The following ELP1 variants were observed in gnomAD, a reference collection of about 807,000 sequenced individuals.
The protein encoded by ELP1 is elongator acetyltransferase complex subunit 1, also known as elongator complex protein 1.
Under a neutral mutation model 183.2 loss-of-function variants are expected in ELP1, and 131 were observed. The observed-to-expected ratio is 0.72, with a 90% CI of 0.62 to 0.83. The LOEUF (loss-of-function observed/expected upper bound fraction) is 0.83. Among genes scored for constraint, ELP1 ranks in the 40% least tolerant of loss-of-function variants. ELP1 has a pLI of 0.00. For synonymous variants in ELP1, 555 were observed against 569.0 expected, an observed-to-expected ratio of 0.98 and a Z score of 0.35; for missense variants, 1,550 against 1,594.9, an observed-to-expected ratio of 0.97 and a Z score of 0.48.
Position 108,878,753 on chromosome 9 carries a change from G to A in ELP1, c.3573-3C>T, listed in dbSNP as rs574071477. 6.2e-7 allele frequency: 1 copy of A among 1,613,868 alleles called. No homozygotes were observed. The highest frequency in any genetic ancestry group is 1.3e-5 in the African/African-American group (1 of 75,038). On this transcript the variant is annotated splice_region_variant and splice_polypyrimidine_tract_variant and intron_variant, in intron 33 of 36. Coordinates refer to ENST00000374647, the MANE Select transcript of ELP1 (RefSeq NM_003640.5). ...TTCGGCGATTCTTGGATGATCTCCT[G>A]TTAGAAATTACACAGATATTTTTAA...
chr9:108,903,348 T>C (rs993312184), intron 15 of ELP1, among the ~76,000 whole-genome samples: 3 of 152,096 alleles, frequency 2.0e-5, no homozygotes, highest in Non-Finnish European at 2.9e-5. Flanking sequence ...GTCCCTGCGA[T>C]AGTCATCAAT....
chr9:108,908,397 A>G lies in ELP1; in HGVS notation c.1368T>C (p.Cys456=), dbSNP rs1428188218. ...GTTTCACTGTAGGGTCAGCACTTGG[A>G]CAATCACCTGGAAAACAAAAATGCA... is the stretch of plus-strand genomic sequence containing the variant. ...NQISVYKCGD[C]PSADPTVKLG... The change falls in exon 13 of 37, where the codon TGT becomes TGC. Residue 456 remains cysteine (C), a synonymous_variant. Coordinates refer to ENST00000374647, the MANE Select transcript of ELP1 (RefSeq NM_003640.5). The G allele has an allele frequency of 6.2e-7, 1 of 1,613,752 alleles. No homozygotes were observed. Among genetic ancestry groups the G allele is most frequent in the East Asian group, 2.2e-5 (1 of 44,880 alleles).
At chr9:108,915,911 G>A (rs1829413841) in intron 10 of ELP1, among the ~76,000 whole-genome samples, 1 of 151,874 alleles carries the variant, frequency 6.6e-6, no homozygotes, top group Non-Finnish European at 1.5e-5. Context: ...TTGACTGCAG[G>A]ACTTGACCAT....
Position 108,906,367 on chromosome 9 carries a change from C to T in ELP1, c.1579G>A (p.Val527Ile). ...VSHSEFSPRS[V>I]IHHLTAASSE... ...GAAGCTGCAGTCAAATGGTGAATGA[C>T]AGACCGGGGGCTGAACTCACTGTGG... is the stretch of plus-strand genomic sequence containing the variant. The change falls in exon 14 of 37, where the codon GTC becomes ATC. Residue 527 changes from valine (V) to isoleucine (I), a missense_variant. Physicochemically the swap from Val to Ile is conservative, Grantham distance 29. Coordinates refer to ENST00000374647, the MANE Select transcript of ELP1 (RefSeq NM_003640.5). The T allele has an allele frequency of 6.2e-7, 1 of 1,614,118 alleles. No individual in the cohort carries two copies. The highest frequency in any genetic ancestry group is 8.5e-7 in the Non-Finnish European group (1 of 1,179,948).
chr9:108,901,568 G>C (rs372591495), intron 17 of ELP1, 38 bp from the exon 18 acceptor site: 1 of 1,609,592 alleles, frequency 6.2e-7, no homozygotes, highest in African/African-American at 1.3e-5. Context: ...GTGAAAGCTA[G>C]CTAGATTACT....
At chr9:108,869,739 G>T (rs34482489) in intron 36 of ELP1, among the ~76,000 whole-genome samples, 12,728 of 152,138 alleles carry the variant, frequency 0.084, 612 homozygotes, top group East Asian at 0.13. Flanking sequence ...AAAACTCCCA[G>T]GCACTCTTTC....
intron 14 of ELP1, 30 bp downstream of exon 14, chr9:108,906,273 C>T: frequency 6.2e-7 from 1 of 1,611,210 alleles, no homozygotes; most frequent in Non-Finnish European, 8.5e-7. Flanking sequence ...ATTTGCTTAA[C>T]ATGTGGAGTA....
Position 108,898,752 on chromosome 9 carries a change from G to A in ELP1, c.2205-3C>T, listed in dbSNP as rs768878876. On this transcript the variant is annotated splice_region_variant and splice_polypyrimidine_tract_variant and intron_variant, in intron 20 of 36. Transcript: ENST00000374647. The stretch of plus-strand genomic sequence containing the variant: ...CAAATGCCTCTTTAAACATAAGTCT[G>A]TGAGAAGACAGAGAAAGAATAGAAA... 1.3e-6 allele frequency: 2 copies of A among 1,598,454 alleles called. No individual in the cohort carries two copies. Among genetic ancestry groups the A allele is most frequent in the African/African-American group, 1.3e-5 (1 of 74,610 alleles).
chr9:108,911,133 T>G lies in ELP1; in HGVS notation c.1237A>C (p.Met413Leu), dbSNP rs1829206278. 6.2e-7 allele frequency: 1 copy of G among 1,614,012 alleles called. No individual in the cohort carries two copies. The highest frequency in any genetic ancestry group is 1.3e-5 in the African/African-American group (1 of 74,896). ...VFRQTVVPPP[M>L]CTYQLLFPHP... ...GGGAACAGCAGTTGGTAGGTGCACA[T>G]GGGAGGCGGAACCACAGTCTGCCGG... Residue 413 changes from methionine (M) to leucine (L), a missense_variant, in exon 12 of 37, where the codon ATG (methionine) becomes CTG (leucine). By Grantham distance (15) the Met-to-Leu change is conservative. Transcript: ENST00000374647.
At chr9:108,928,658 C>A (rs1339045911) in intron 3 of ELP1, among the ~76,000 whole-genome samples, 1 of 151,748 alleles carries the variant, frequency 6.6e-6, no homozygotes, top group East Asian at 1.9e-4. Context: ...ACCTTTCAGA[C>A]AATTGAGAAG....
chr9:108,908,231 T>C (rs1252636680), intron 13 of ELP1, 74 bp downstream of exon 13: 1 of 1,093,438 alleles, frequency 9.1e-7, no homozygotes, highest in African/African-American at 1.5e-5. Context: ...ATAGAACTGT[T>C]ATCAGATGGC....
intron 15 of ELP1, 80 bp from the exon 16 acceptor site, chr9:108,903,022 C>T (rs900736907): frequency 3.2e-6 from 3 of 933,600 alleles, no homozygotes; most frequent in Non-Finnish European, 5.2e-6. Context: ...TTTGCTAAAA[C>T]ACTTAACATG....
At chr9:108,917,695 A>G in intron 8 of ELP1, 25 bp from the exon 9 acceptor site, 1 of 1,613,634 alleles carries the variant, frequency 6.2e-7, no homozygotes. Flanking sequence ...AGAGTGTTAC[A>G]ATATCGAAAG....
intron 10 of ELP1, among the ~76,000 whole-genome samples, chr9:108,913,042 G>C (rs529583190): frequency 6.6e-6 from 1 of 152,092 alleles, no homozygotes; most frequent in South Asian, 2.1e-4. Context: ...TTACAGGCCT[G>C]AGCCACCGTG....
Position 108,900,311 on chromosome 9 carries a change from C to T in ELP1, c.2079G>A (p.Arg693=). ...SHGEVLRKVE[R]GSRIVTVVPQ... ...GCACAACAGTGACAATCCGTGAACC[C>T]CTCTCCACTTTCCGCAGAACTTCCC... Residue 693 remains arginine, a synonymous_variant, in exon 19 of 37, where the codon AGG becomes AGA. Transcript: ENST00000374647. 1 of 1,614,048 alleles carries T rather than the reference C, an allele frequency of 6.2e-7. No individual in the cohort carries two copies. The highest frequency in any genetic ancestry group is 8.5e-7 in the Non-Finnish European group (1 of 1,179,996).
chr9:108,895,823 T>C (rs1828523456), intron 25 of ELP1, among the ~76,000 whole-genome samples: 1 of 152,198 alleles, frequency 6.6e-6, no homozygotes, highest in Admixed American at 6.5e-5. Context: ...GCCATGAGCC[T>C]TCTGTGCTCC....
intron 20 of ELP1, among the ~76,000 whole-genome samples, chr9:108,899,525 T>C (rs1215523196): frequency 6.6e-6 from 1 of 152,138 alleles, no homozygotes; most frequent in Non-Finnish European, 1.5e-5. Context: ...GTTTGGTGTG[T>C]ACAATCTCCC....
intron 8 of ELP1, 62 bp downstream of exon 8, chr9:108,918,749 A>G: frequency 2.7e-6 from 3 of 1,106,972 alleles, no homozygotes; most frequent in South Asian, 1.2e-5. Context: ...ATCTGTATCC[A>G]TGTGTACCAC....
chr9:108,906,037 T>C (rs577596915), intron 14 of ELP1, among the ~76,000 whole-genome samples: 4 of 152,202 alleles, frequency 2.6e-5, no homozygotes, highest in Non-Finnish European at 4.4e-5. Flanking sequence ...TGTGGGTAGA[T>C]GCTAAATTAA....
Sources: allele counts gnomAD v4.1 joint callset (sites outside exome capture counted in the v4.1 genomes callset), GRCh38; gene constraint gnomAD v4.1.1; transcripts MANE v1.5; gene names NCBI Gene and HGNC (gene_info 2026-07-23, HGNC 2026-07-21).